RGS8: variants seen among roughly 807,000 people sequenced by gnomAD.
The protein encoded by RGS8 is regulator of G protein signaling 8.
Under a neutral mutation model 21.7 loss-of-function variants are expected in RGS8, and 8 were observed. The observed-to-expected ratio is 0.37, with a 90% confidence interval of 0.22 to 0.66. The LOEUF (loss-of-function observed/expected upper bound fraction) is 0.66. RGS8 is among the 30% of genes least tolerant of loss of function. The pLI, the probability that RGS8 is intolerant of heterozygous loss-of-function variation, is 0.59. For synonymous variants in RGS8, 80 were observed against 83.6 expected, an observed-to-expected ratio of 0.96 and a Z score of 0.24; for missense variants, 157 against 217.9, an observed-to-expected ratio of 0.72 and a Z score of 1.76.
At chr1:182,721,072 CATATATACACAT>C in the RGS8 span, among the ~76,000 whole-genome samples, 1 of 66,930 alleles carries the variant, frequency 1.5e-5, no homozygotes, top group African/African-American at 6.2e-5. Context: ...TGTATATATA[CATATATACACAT>C]ATATATGTGT....
intron 3 of RGS8, 23 bp from the exon 5 acceptor site, chr1:182,666,996 A>T: frequency 6.3e-7 from 1 of 1,577,222 alleles, no homozygotes; most frequent in Non-Finnish European, 8.7e-7. Flanking sequence ...CAGGGGCAGA[A>T]GGACGGGGAA....
At chr1:182,715,750 G>C in the RGS8 span, among the ~76,000 whole-genome samples, 1 of 152,276 alleles carries the variant, frequency 6.6e-6, no homozygotes, top group East Asian at 1.9e-4. Context: ...AGGTGTCTTG[G>C]TTGCCTGAGA....
At chr1:182,716,962 T>C in the RGS8 span, among the ~76,000 whole-genome samples, 2 of 152,196 alleles carry the variant, frequency 1.3e-5, no homozygotes, top group Admixed American at 1.3e-4. Context: ...CCCCAAGGTA[T>C]AACGAACATA....
upstream of RGS8, among the ~76,000 whole-genome samples, chr1:182,689,300 CACACA>C (rs1557906947): frequency 2.1e-4 from 30 of 140,202 alleles, no homozygotes; most frequent in Non-Finnish European, 3.2e-4. Context: ...CACACACACA[CACACA>C]CCCCACAAGT....
At chr1:182,723,846 A>T in the RGS8 span, among the ~76,000 whole-genome samples, 1 of 152,170 alleles carries the variant, frequency 6.6e-6, no homozygotes, top group Non-Finnish European at 1.5e-5. Context: ...TCTAATTTTA[A>T]AAGTATTGTT....
At chr1:182,736,219 C>A in the RGS8 span, among the ~76,000 whole-genome samples, 1 of 152,166 alleles carries the variant, frequency 6.6e-6, no homozygotes, top group Non-Finnish European at 1.5e-5. Context: ...AACCATTTTG[C>A]CTCCACCAGT....
the RGS8 span, among the ~76,000 whole-genome samples, chr1:182,706,741 C>G: frequency 6.6e-6 from 1 of 152,122 alleles, no homozygotes; most frequent in African/African-American, 2.4e-5. Context: ...GCTGGGATTA[C>G]AGGCATGAGC....
the RGS8 span, among the ~76,000 whole-genome samples, chr1:182,741,443 T>A: frequency 8.1e-6 from 1 of 124,114 alleles, no homozygotes; most frequent in Admixed American, 7.8e-5. Flanking sequence ...ACAGGGCGGC[T>A]GGCCGGGCAG....
upstream of RGS8, among the ~76,000 whole-genome samples, chr1:182,689,264 GAC>G (rs34000229): frequency 0.15 from 18,783 of 125,420 alleles, 1,284 homozygotes; most frequent in East Asian, 0.27. Context: ...CACACACACA[GAC>G]ACACACACAC....
exon 7 of RGS8, chr1:182,646,359 G>A (rs1188065649): frequency 5.7e-6 from 1 of 175,490 alleles, no homozygotes; most frequent in Non-Finnish European, 1.2e-5. Context: ...GGAGAGTCAG[G>A]AATCCTAACC....
intron 5 of RGS8, among the ~76,000 whole-genome samples, chr1:182,661,616 G>C (rs1663590247): frequency 6.6e-6 from 1 of 152,094 alleles, no homozygotes; most frequent in African/African-American, 2.4e-5. Flanking sequence ...TCAGAGTTCA[G>C]GACTTAATGT....
the RGS8 span, among the ~76,000 whole-genome samples, chr1:182,694,440 A>G: frequency 2.6e-5 from 4 of 152,136 alleles, no homozygotes; most frequent in African/African-American, 9.7e-5. Flanking sequence ...GGCCTGGTCA[A>G]CTTTTTAAAA....
At chr1:182,651,993 G>A (rs531625960) in intron 5 of RGS8, among the ~76,000 whole-genome samples, 1 of 152,344 alleles carries the variant, frequency 6.6e-6, no homozygotes, top group South Asian at 2.1e-4. Context: ...TAGGCCAGAG[G>A]TTCCCTCTCT....
At chr1:182,654,011 T>C (rs1423922478) in intron 5 of RGS8, among the ~76,000 whole-genome samples, 2 of 152,236 alleles carry the variant, frequency 1.3e-5, no homozygotes, top group African/African-American at 2.4e-5. Context: ...ATTTTACTTA[T>C]TTACTATACA....
chr1:182,745,547 C>G, the RGS8 span, among the ~76,000 whole-genome samples: 22 of 152,190 alleles, frequency 1.4e-4, no homozygotes, highest in Non-Finnish European at 2.8e-4. Flanking sequence ...TTATTATTTA[C>G]AATCATTTCA....
chr1:182,658,900 G>A (rs570977285), intron 5 of RGS8, among the ~76,000 whole-genome samples: 51 of 152,334 alleles, frequency 3.3e-4, no homozygotes, highest in Non-Finnish European at 4.4e-4. Flanking sequence ...GAGAGATTAC[G>A]TAGAGAACAA....
chr1:182,697,402 C>T, the RGS8 span, among the ~76,000 whole-genome samples: 1 of 152,262 alleles, frequency 6.6e-6, no homozygotes, highest in African/African-American at 2.4e-5. Context: ...CCTCTGAAGA[C>T]AGCCCCTTGC....
the RGS8 span, among the ~76,000 whole-genome samples, chr1:182,752,193 C>A: frequency 6.6e-6 from 1 of 152,204 alleles, no homozygotes; most frequent in Non-Finnish European, 1.5e-5. Flanking sequence ...CATCCCACCT[C>A]CTGACATGAC....
the RGS8 span, among the ~76,000 whole-genome samples, chr1:182,728,457 G>A: frequency 6.6e-6 from 1 of 152,100 alleles, no homozygotes; most frequent in African/African-American, 2.4e-5. Flanking sequence ...CAGAAGTTTA[G>A]CATAATGATA....
Sources: allele counts gnomAD v4.1 joint callset (sites outside exome capture counted in the v4.1 genomes callset), GRCh38; gene constraint gnomAD v4.1.1; transcripts MANE v1.5; gene names NCBI Gene and HGNC (gene_info 2026-07-23, HGNC 2026-07-21).